STMP1: variants seen among roughly 807,000 people sequenced by gnomAD.
The protein encoded by STMP1 is mitolamban.
STMP1 carries 7 observed loss-of-function variants against 7.0 expected under a neutral mutation model. The ratio of observed to expected loss-of-function variants is 1.01; its 90% CI spans 0.57 to 1.89. STMP1 has a LOEUF of 1.89. STMP1 is among the 40% of genes most tolerant of loss of function. STMP1 has a pLI of 0.00. For synonymous variants in STMP1, 19 were observed against 18.4 expected, an observed-to-expected ratio of 1.03 and a Z score of -0.08; for missense variants, 45 against 53.0, an observed-to-expected ratio of 0.85 and a Z score of 0.47.
chr7:135,666,760 T>C (rs1795298735), intron 1 of STMP1, among the ~76,000 whole-genome samples: 1 of 152,256 alleles, frequency 6.6e-6, no homozygotes, highest in African/African-American at 2.4e-5. Flanking sequence ...TTTTGTTAAT[T>C]ATTTCACCAG....
intron 2 of STMP1, 146 bp downstream of exon 2, chr7:135,672,952 A>G (rs1012376182): frequency 1.5e-6 from 1 of 681,702 alleles, no homozygotes; most frequent in Admixed American, 2.8e-5. Context: ...ATGGTTTGCC[A>G]TTGTTTGAAA....
At chr7:135,670,710 A>G (rs1795348203) in intron 1 of STMP1, among the ~76,000 whole-genome samples, 2 of 152,232 alleles carry the variant, frequency 1.3e-5, no homozygotes, top group Admixed American at 1.3e-4. Context: ...TTTTAAAATA[A>G]TCATGAGTTT....
chr7:135,662,678 C>G (rs1795246655), intron 1 of STMP1, 84 bp downstream of exon 1: 1 of 1,471,298 alleles, frequency 6.8e-7, no homozygotes, highest in Non-Finnish European at 9.1e-7. Flanking sequence ...GCCGACCCCG[C>G]CGACCCGGCC....
chr7:135,667,683 T>A (rs1006441967), intron 1 of STMP1, among the ~76,000 whole-genome samples: 1 of 152,170 alleles, frequency 6.6e-6, no homozygotes, highest in Non-Finnish European at 1.5e-5. Context: ...ATATTTTTAA[T>A]TTTGATGAGG....
chr7:135,666,356 G>A (rs1795291747), intron 1 of STMP1, among the ~76,000 whole-genome samples: 2 of 149,338 alleles, frequency 1.3e-5, no homozygotes, highest in Non-Finnish European at 3.0e-5. Flanking sequence ...TCTTTGTTTT[G>A]TTTTGTTTTT....
At position 135,676,173 on chromosome 7, in the gene STMP1, C is replaced by T. The variant is rs1428688682; in HGVS notation, c.*2008C>T. The T allele has an allele frequency of 6.6e-6, 1 of 152,198 alleles. No homozygotes were observed. The highest frequency in any genetic ancestry group is 1.5e-5 in the Non-Finnish European group (1 of 68,046). 9.4% of individuals were successfully genotyped at this position (152,198 alleles called of 1,614,324 possible). On this transcript the variant is annotated 3_prime_UTR_variant, in exon 3 of 3. Coordinates refer to ENST00000507606, the MANE Select transcript of STMP1 (RefSeq NM_001130929.2). The stretch of plus-strand genomic sequence containing the variant: ...AAGTGATCTGCCCACTTCAGCCTCC[C>T]AAAGTGTTGGGATTACAGGCGTGAG...
At chr7:135,663,574 C>T (rs1584704337) in intron 1 of STMP1, among the ~76,000 whole-genome samples, 1 of 152,130 alleles carries the variant, frequency 6.6e-6, no homozygotes, top group Non-Finnish European at 1.5e-5. Context: ...GAACTCCTGA[C>T]CTCAAGTGAT....
At chr7:135,666,589 G>A (rs1795295926) in intron 1 of STMP1, among the ~76,000 whole-genome samples, 1 of 151,408 alleles carries the variant, frequency 6.6e-6, no homozygotes, top group Non-Finnish European at 1.5e-5. Flanking sequence ...TGATCTGCCC[G>A]CCTCTGCCTC....
chr7:135,667,787 A>G (rs966587396), intron 1 of STMP1, among the ~76,000 whole-genome samples: 1 of 149,394 alleles, frequency 6.7e-6, no homozygotes, highest in Non-Finnish European at 1.5e-5. Context: ...GATATTTTTA[A>G]TTTTGATGAA....
intron 1 of STMP1, among the ~76,000 whole-genome samples, chr7:135,665,864 A>T (rs1795285916): frequency 6.6e-6 from 1 of 151,738 alleles, no homozygotes; most frequent in South Asian, 2.1e-4. Flanking sequence ...GGCTTTGTGC[A>T]CACTGCCTAT....
intron 1 of STMP1, among the ~76,000 whole-genome samples, chr7:135,669,554 A>C (rs1381935176): frequency 1.3e-5 from 2 of 152,248 alleles, no homozygotes; most frequent in Non-Finnish European, 2.9e-5. Context: ...TAAGGTCTGC[A>C]GTCCCTTAAT....
Position 135,663,780 on chromosome 7 carries a change from G to C in STMP1, c.15+1186G>C, listed in dbSNP as rs557268689. 4.9e-3 allele frequency among the ~76,000 whole-genome samples: 750 copies of C among 152,252 alleles called. 6 individuals are homozygous for C. The highest frequency in any genetic ancestry group is 0.017 in the African/African-American group (724 of 41,560). ...AGCGATTCTCCTGCCTCAGCCTCCC[G>C]AGTAGCTGGTGCGCGCCAGCAGGCC... On this transcript the variant is annotated intron_variant, in intron 1 of 2. Coordinates refer to ENST00000507606, the MANE Select transcript of STMP1 (RefSeq NM_001130929.2).
At chr7:135,664,954 G>T (rs1276892664) in intron 1 of STMP1, among the ~76,000 whole-genome samples, 1 of 152,184 alleles carries the variant, frequency 6.6e-6, no homozygotes, top group African/African-American at 2.4e-5. Context: ...AGCTGTGGTA[G>T]CGTGGGTGGG....
intron 1 of STMP1, among the ~76,000 whole-genome samples, chr7:135,670,092 T>C (rs1795342050): frequency 6.6e-6 from 1 of 152,208 alleles, no homozygotes; most frequent in African/African-American, 2.4e-5. Flanking sequence ...CTCATCTCAG[T>C]CCTCTGTTCT....
chr7:135,662,853 T>A (rs3800762), intron 1 of STMP1, among the ~76,000 whole-genome samples: 31,308 of 152,198 alleles, frequency 0.21, 3,332 homozygotes, highest in South Asian at 0.31. Context: ...TTCCAGAGCT[T>A]CTTATTGTGT....
intron 1 of STMP1, among the ~76,000 whole-genome samples, chr7:135,663,708 G>A (rs1350191364): frequency 1.3e-5 from 2 of 152,184 alleles, no homozygotes; most frequent in Non-Finnish European, 2.9e-5. Flanking sequence ...AGGCTGGAGT[G>A]CAGTAGTGCG....
chr7:135,663,510 A>T (rs2129493130), intron 1 of STMP1, among the ~76,000 whole-genome samples: 1 of 151,574 alleles, frequency 6.6e-6, no homozygotes, highest in East Asian at 2.0e-4. Flanking sequence ...ATGCTCAGCT[A>T]ATTTTTGTAT....
chr7:135,666,484 G>T (rs1254726724), intron 1 of STMP1, among the ~76,000 whole-genome samples: 1 of 152,072 alleles, frequency 6.6e-6, no homozygotes, highest in African/African-American at 2.4e-5. Flanking sequence ...AAGTAGCTGG[G>T]ATTACAGACG....
chr7:135,662,639 C>T, intron 1 of STMP1, 45 bp downstream of exon 1: 1 of 1,539,698 alleles, frequency 6.5e-7, no homozygotes, highest in South Asian at 1.2e-5. Context: ...CTGGGGCGTG[C>T]CTCGGACCCC....
Sources: gnomAD v4.1 joint callset for allele counts (sites outside exome capture counted in the v4.1 genomes callset) on GRCh38, gnomAD v4.1.1 for gene constraint, MANE v1.5 for transcripts, NCBI Gene and HGNC (gene_info 2026-07-23, HGNC 2026-07-21) for gene names.